The following NRROS variants were observed in gnomAD, a reference collection of about 807,000 sequenced individuals.
NRROS encodes the protein transforming growth factor beta activator LRRC33.
In NRROS, 6 loss-of-function variants were observed where a neutral mutation model predicts 12.0. That is an observed-to-expected ratio of 0.50 (90% CI 0.27 to 0.98). NRROS has a LOEUF of 0.98. Among genes scored for constraint, NRROS ranks in the 50% least tolerant of loss-of-function variants. NRROS has a pLI of 0.11. For missense variants in NRROS, 857 were observed against 888.2 expected (o/e 0.96, Z 0.45); for synonymous variants, 462 against 410.2 (o/e 1.13, Z -1.53).
At chr3:196,645,233 GC>G (rs1235560812) in intron 1 of NRROS, among the ~76,000 whole-genome samples, 1 of 152,200 alleles carries the variant, frequency 6.6e-6, no homozygotes, top group Non-Finnish European at 1.5e-5. Flanking sequence ...ATGAGTAAGA[GC>G]TTTGCAGGTG....
chr3:196,656,676 G>C (rs1392293882), intron 2 of NRROS, among the ~76,000 whole-genome samples: 1 of 152,174 alleles, frequency 6.6e-6, no homozygotes, highest in Non-Finnish European at 1.5e-5. Context: ...CTACACAGTA[G>C]TTATTCAGGG....
At chr3:196,653,618 C>A (rs914036537) in intron 1 of NRROS, among the ~76,000 whole-genome samples, 1 of 152,244 alleles carries the variant, frequency 6.6e-6, no homozygotes, top group Non-Finnish European at 1.5e-5. Flanking sequence ...TGAGTGCAGC[C>A]TCGCTGCTGG....
At chr3:196,655,141 G>A (rs977993019) in intron 2 of NRROS, 3 of 158,606 alleles carry the variant, frequency 1.9e-5, no homozygotes, top group Non-Finnish European at 2.8e-5. Context: ...AGGCTGAGAT[G>A]TGAGGGTGGC....
chr3:196,652,499 A>G (rs777757355), intron 1 of NRROS, among the ~76,000 whole-genome samples: 4 of 152,204 alleles, frequency 2.6e-5, no homozygotes, highest in Non-Finnish European at 5.9e-5. Context: ...ATAACAAATA[A>G]CAGAGGCAGA....
chr3:196,661,044 G>A lies in NRROS; in HGVS notation c.1401G>A (p.Leu467=). The A allele has an allele frequency of 6.2e-7, 1 of 1,614,190 alleles. No individual in the cohort carries two copies. Among genetic ancestry groups the A allele is most frequent in the African/African-American group, 1.3e-5 (1 of 75,044 alleles). ...DFRNMASLRS[L]SLEGCGLGAL... Reference sequence around the variant, plus strand: ...GGAATATGGCATCTTTAAGGAGCCTGTCTCTGGAGGGCTGTGGCCTGGGGG... The same window carrying A: ...GGAATATGGCATCTTTAAGGAGCCTATCTCTGGAGGGCTGTGGCCTGGGGG... The change falls in exon 3 of 3, where the codon CTG becomes CTA. Residue 467 remains leucine (L), a synonymous_variant. Transcript: ENST00000328557.
At chr3:196,646,983 T>G (rs1021913136) in intron 1 of NRROS, among the ~76,000 whole-genome samples, 6 of 152,240 alleles carry the variant, frequency 3.9e-5, no homozygotes, top group South Asian at 2.1e-4. Flanking sequence ...GATATTATTT[T>G]ATTATGAACG....
In NRROS at chr3:196,660,947, A is replaced by G. The variant is rs1737660190; in HGVS notation, c.1304A>G (p.His435Arg). ...AACATCACTACACTTGACATGAGCC[A>G]CAATCAGATCTCACTTTGTCCCCTG... ...ARNITTLDMSHNQISLCPLPA... is the reference protein window; with the variant it reads ...ARNITTLDMSRNQISLCPLPA... Residue 435 changes from histidine to arginine, a missense_variant, in exon 3 of 3, where the codon CAC (histidine) becomes CGC (arginine). Transcript: ENST00000328557. This position sits in a 1 kb window ranked among gnomAD's most constrained non-coding sequence, Gnocchi z 7.7. The G allele has an allele frequency of 6.2e-7, 1 of 1,614,176 alleles. No individual in the cohort carries two copies. The highest frequency in any genetic ancestry group is 8.5e-7 in the Non-Finnish European group (1 of 1,180,038).
chr3:196,648,996 G>A (rs1737361728), intron 1 of NRROS, among the ~76,000 whole-genome samples: 1 of 152,172 alleles, frequency 6.6e-6, no homozygotes, highest in Non-Finnish European at 1.5e-5. Flanking sequence ...TTCAGGGCAA[G>A]TGTTTCTGGC....
chr3:196,640,779 TC>T (rs1737192222), intron 1 of NRROS, among the ~76,000 whole-genome samples: 1 of 150,976 alleles, frequency 6.6e-6, no homozygotes, highest in African/African-American at 2.5e-5. Flanking sequence ...GGAGGCCGGA[TC>T]GGGGGTCCTA....
intron 2 of NRROS, among the ~76,000 whole-genome samples, 181 bp from the exon 3 acceptor site, chr3:196,659,571 A>G (rs1371411311): frequency 6.6e-6 from 1 of 152,004 alleles, no homozygotes; most frequent in South Asian, 2.1e-4. Flanking sequence ...GGCCTCCCAA[A>G]GTGCTGGGAT....
At position 196,661,324 on chromosome 3, in the gene NRROS, G is replaced by A. The variant is rs1737673967; in HGVS notation, c.1681G>A (p.Glu561Lys). 1.9e-6 allele frequency: 3 copies of A among 1,599,356 alleles called. No homozygotes were observed. The highest frequency in any genetic ancestry group is 2.6e-6 in the Non-Finnish European group (3 of 1,172,618). ...FPRFGGSLAL[E>K]TLDLRRNSLT... is the part of the protein sequence containing the mutation. Reference sequence around the variant, plus strand: ...AAGGTTTGGGGGCAGCCTGGCCCTGGAGACCCTGGATCTCCGTAGAAACTC... The same window carrying A: ...AAGGTTTGGGGGCAGCCTGGCCCTGAAGACCCTGGATCTCCGTAGAAACTC... The change falls in exon 3 of 3, where the codon GAG becomes AAG. Residue 561 changes from glutamate to lysine, a missense_variant. By Grantham distance (56) the Glu-to-Lys change is moderately conservative (BLOSUM62 1). Coordinates refer to ENST00000328557, the MANE Select transcript of NRROS (RefSeq NM_198565.3).
Position 196,660,850 on chromosome 3 carries a change from A to G in NRROS, c.1207A>G (p.Ser403Gly). Residue 403 changes from serine to glycine, a missense_variant, in exon 3 of 3, where the codon AGC (serine) becomes GGC (glycine). Physicochemically the swap from Ser to Gly is moderately conservative, Grantham distance 56. Transcript: ENST00000328557. This position sits in a 1 kb window ranked among gnomAD's most constrained non-coding sequence, Gnocchi z 7.7. ...LAPGLASCLG[S>G]LRLFNLSSNQ... Reference sequence around the variant, plus strand: ...TCCGGGGCTGGCCAGCTGCCTGGGCAGCCTGCGCTTGTTCAACCTGAGCTC... The same window carrying G: ...TCCGGGGCTGGCCAGCTGCCTGGGCGGCCTGCGCTTGTTCAACCTGAGCTC... 3.1e-6 allele frequency: 5 copies of G among 1,613,840 alleles called. No individual in the cohort carries two copies. The highest frequency in any genetic ancestry group is 1.3e-5 in the African/African-American group (1 of 75,060).
At position 196,660,178 on chromosome 3, in the gene NRROS, GGCCTGGAGCGTCTCCGGGA is replaced by G; in HGVS notation, c.538_556del (p.Leu180TrpfsTer22). The G allele has an allele frequency of 6.2e-7, 1 of 1,613,058 alleles. No homozygotes were observed. The highest frequency in any genetic ancestry group is 8.5e-7 in the Non-Finnish European group (1 of 1,180,018). Reference sequence around the variant, plus strand: ...GCGGCTGGACGACTCCGTCTTCGAGGGCCTGGAGCGTCTCCGGGAGCTGGATCTGCAGAGGAACTACATC... The same window carrying G: ...GCGGCTGGACGACTCCGTCTTCGAGGGCTGGATCTGCAGAGGAACTACATC... On this transcript the variant is annotated frameshift_variant, in exon 3 of 3. Coordinates refer to ENST00000328557, the MANE Select transcript of NRROS (RefSeq NM_198565.3). LOFTEE classifies it low-confidence loss of function (END_TRUNC). The surrounding 1 kb of genome is among the most constrained non-coding windows in gnomAD (Gnocchi z 7.7).
intron 2 of NRROS, 67 bp from the exon 3 acceptor site, chr3:196,659,685 A>C (rs752370805): frequency 1.1e-5 from 17 of 1,484,294 alleles, no homozygotes; most frequent in Non-Finnish European, 1.5e-5. Flanking sequence ...TAAGTGAACT[A>C]AGTTTCTATG....
At chr3:196,644,207 G>A (rs931371070) in intron 1 of NRROS, among the ~76,000 whole-genome samples, 1 of 152,092 alleles carries the variant, frequency 6.6e-6, no homozygotes, top group Non-Finnish European at 1.5e-5. Flanking sequence ...CCCCCGTCTT[G>A]CTTTGTCTCC....
rs1262490601 is a variant in NRROS at position 196,654,386 on chromosome 3, A to G, written c.-13-141A>G. 7 of 639,934 alleles carry G rather than the reference A, an allele frequency of 1.1e-5. No homozygotes were observed. The highest frequency in any genetic ancestry group is 2.7e-5 in the East Asian group (1 of 36,546). The allele number at this position is 639,934 out of a possible 1,614,324, so 39.6% of individuals were successfully genotyped here. ...CTTGGCTAAATGGAGGTATCTGAGTATCCTGTGGGCTGCACCTCTATGGAG... is the reference window on the plus strand; with the variant it reads ...CTTGGCTAAATGGAGGTATCTGAGTGTCCTGTGGGCTGCACCTCTATGGAG... On this transcript the variant is annotated intron_variant, in intron 1 of 2. Coordinates refer to ENST00000328557, the MANE Select transcript of NRROS (RefSeq NM_198565.3). The surrounding 1 kb of genome is among the most constrained non-coding windows in gnomAD (Gnocchi z 4.4).
At chr3:196,658,294 C>T (rs753326003) in intron 2 of NRROS, among the ~76,000 whole-genome samples, 8 of 152,226 alleles carry the variant, frequency 5.3e-5, no homozygotes, top group Non-Finnish European at 1.0e-4. Flanking sequence ...TAATATCTTA[C>T]GAAAGATCCA....
chr3:196,659,810 C>G lies in NRROS; in HGVS notation c.167C>G (p.Pro56Arg), dbSNP rs768570688. 10 of 1,613,842 alleles carry G rather than the reference C, an allele frequency of 6.2e-6. No individual in the cohort carries two copies. The highest frequency in any genetic ancestry group is 2.5e-6 in the Non-Finnish European group (3 of 1,179,882). The change falls in exon 3 of 3, where the codon CCG becomes CGG. Residue 56 changes from proline (P) to arginine (R), a missense_variant. Transcript: ENST00000328557. ...QSLASVPSSL[P>R]PHARMLTLDA... Reference sequence around the variant, plus strand: ...CTCGCTTCGGTGCCCAGCAGCCTCCCGCCCCACGCCCGGATGCTCACCCTG... The same window carrying G: ...CTCGCTTCGGTGCCCAGCAGCCTCCGGCCCCACGCCCGGATGCTCACCCTG...
At position 196,661,654 on chromosome 3, in the gene NRROS, G is replaced by A. The variant is rs200940623; in HGVS notation, c.2011G>A (p.Val671Ile). 3.4e-5 allele frequency: 54 copies of A among 1,608,460 alleles called. 1 individual carries two copies. Among genetic ancestry groups the A allele is most frequent in the African/African-American group, 8.0e-5 (6 of 75,018 alleles). The change falls in exon 3 of 3, where the codon GTC becomes ATC. Residue 671 changes from valine to isoleucine, a missense_variant. By Grantham distance (29) the Val-to-Ile change is conservative. Coordinates refer to ENST00000328557, the MANE Select transcript of NRROS (RefSeq NM_198565.3). ...CCTGCTGGTGGCCTGCACTGTCATC[G>A]TCCTCACTTTTAAGAAGCCTCTGCT... ...LTLLVACTVI[V>I]LTFKKPLLQV... is the part of the protein sequence containing the mutation.
Sources: allele counts gnomAD v4.1 joint callset (sites outside exome capture counted in the v4.1 genomes callset), GRCh38; gene constraint gnomAD v4.1.1; non-coding constraint Gnocchi (gnomAD v3.1); transcripts MANE v1.5; gene names NCBI Gene and HGNC (gene_info 2026-07-23, HGNC 2026-07-21).